JARID2: variants seen among roughly 807,000 people sequenced by gnomAD.
JARID2 encodes jumonji and AT-rich interaction domain containing 2, also known as protein Jumonji.
Under a neutral mutation model 125.6 loss-of-function variants are expected in JARID2, and 21 were observed. That is an observed-to-expected ratio of 0.17 (90% CI 0.12 to 0.24). JARID2 has a LOEUF of 0.24. JARID2 is among the 10% of genes least tolerant of loss of function. The probability of loss-of-function intolerance (pLI) is 1.00; values close to 1 mark genes in which losing one functional copy is unlikely to be tolerated. For missense variants in JARID2, 1,303 were observed against 1,639.6 expected (o/e 0.79, Z 3.55); for synonymous variants, 736 against 661.6 (o/e 1.11, Z -1.73).
chr6:15,369,164 A>G (rs761225946), intron 1 of JARID2: 21 of 265,168 alleles, frequency 7.9e-5, no homozygotes, highest in Non-Finnish European at 1.4e-4. Flanking sequence ...AACTTGGAAC[A>G]GTGAGTGGTT....
chr6:15,375,793 G>A (rs926424454), intron 2 of JARID2, among the ~76,000 whole-genome samples: 2 of 152,202 alleles, frequency 1.3e-5, no homozygotes, highest in African/African-American at 4.8e-5. Context: ...AGCAGTGACT[G>A]CTGTACTGTT....
intron 3 of JARID2, among the ~76,000 whole-genome samples, chr6:15,412,674 C>T (rs1263333342): frequency 6.6e-6 from 1 of 152,172 alleles, no homozygotes. Context: ...CTTAAGAACT[C>T]CTTTGTTTTG....
intron 1 of JARID2, among the ~76,000 whole-genome samples, chr6:15,372,050 C>T (rs1268239476): frequency 6.6e-6 from 1 of 152,128 alleles, no homozygotes; most frequent in Non-Finnish European, 1.5e-5. Context: ...TGAAGCTTAA[C>T]GAAAGTGCAG....
At chr6:15,248,875 G>C in intron 1 of JARID2, 2 of 983,158 alleles carry the variant, frequency 2.0e-6, no homozygotes, top group Non-Finnish European at 2.4e-6. Flanking sequence ...GGGGGCTGCC[G>C]CAGAGCCGGG....
intron 1 of JARID2, among the ~76,000 whole-genome samples, chr6:15,275,457 G>C (rs1459299725): frequency 1.4e-5 from 2 of 143,322 alleles, no homozygotes; most frequent in African/African-American, 2.6e-5. Flanking sequence ...CTGACTAGGT[G>C]TTCAAGTCAG....
intron 2 of JARID2, among the ~76,000 whole-genome samples, chr6:15,393,161 C>G (rs537521924): frequency 6.6e-6 from 1 of 152,232 alleles, no homozygotes; most frequent in South Asian, 2.1e-4. Context: ...GGTATTCTTT[C>G]AGCTATCCTC....
chr6:15,379,544 T>C (rs377197008), intron 2 of JARID2, among the ~76,000 whole-genome samples: 1 of 152,298 alleles, frequency 6.6e-6, no homozygotes, highest in Admixed American at 6.5e-5. Flanking sequence ...TTGAATTTCA[T>C]TTGCTTCCTA....
chr6:15,412,583 G>A (rs1317496249), intron 3 of JARID2, among the ~76,000 whole-genome samples: 1 of 152,174 alleles, frequency 6.6e-6, no homozygotes, highest in African/African-American at 2.4e-5. Flanking sequence ...GGTTATAGGC[G>A]TGAGTCACCA....
intron 1 of JARID2, among the ~76,000 whole-genome samples, chr6:15,282,794 T>A (rs2127379284): frequency 6.6e-6 from 1 of 151,764 alleles, no homozygotes; most frequent in African/African-American, 2.4e-5. Flanking sequence ...AGAGACAGGG[T>A]TTCTCCATGT....
chr6:15,283,145 A>ATT (rs1183995474), intron 1 of JARID2, among the ~76,000 whole-genome samples: 50 of 149,014 alleles, frequency 3.4e-4, no homozygotes, highest in Non-Finnish European at 5.8e-4. Context: ...CGCCCGGCTA[A>ATT]TTTTTTGTAT....
chr6:15,330,262 T>A (rs1762663738), intron 1 of JARID2, among the ~76,000 whole-genome samples: 1 of 152,244 alleles, frequency 6.6e-6, no homozygotes, highest in African/African-American at 2.4e-5. Context: ...CGTGCTTGTT[T>A]TAATTATTTT....
rs755605964 is a variant in JARID2 at position 15,508,337 on chromosome 6, T to C, written c.2732-3T>C. On this transcript the variant is annotated splice_region_variant and splice_polypyrimidine_tract_variant and intron_variant, in intron 11 of 17. Coordinates refer to ENST00000341776, the MANE Select transcript of JARID2 (RefSeq NM_004973.4). ...AATGCCCTTTTCACTCTTTCTGTTT[T>C]AGGAGTGACTATTCCCTGGCTAAAT... The C allele has an allele frequency of 1.3e-6, 2 of 1,500,586 alleles. No homozygotes were observed. The highest frequency in any genetic ancestry group is 2.3e-5 in the East Asian group (1 of 44,370). The allele number at this position is 1,500,586 out of a possible 1,614,324, so 93.0% of individuals were successfully genotyped here. A position where few individuals can be genotyped will look rare whatever the true frequency, so the allele number is the denominator to read the frequency against.
chr6:15,359,358 TC>T (rs1264700306), intron 1 of JARID2, among the ~76,000 whole-genome samples: 1 of 152,202 alleles, frequency 6.6e-6, no homozygotes, highest in Non-Finnish European at 1.5e-5. Flanking sequence ...TGATGTGGCA[TC>T]CAGAGGTTGC....
At chr6:15,263,266 G>A (rs187350561) in intron 1 of JARID2, among the ~76,000 whole-genome samples, 1 of 152,214 alleles carries the variant, frequency 6.6e-6, no homozygotes, top group East Asian at 1.9e-4. Context: ...TGGCTTGATG[G>A]TGGGACTTCA....
At chr6:15,418,216 CTT>C (rs56801667) in intron 3 of JARID2, among the ~76,000 whole-genome samples, 43,236 of 117,642 alleles carry the variant, frequency 0.37, 6,648 homozygotes, top group South Asian at 0.45. Flanking sequence ...CTATATTCCT[CTT>C]TTTTTTTTTT....
At chr6:15,435,467 G>T (rs980172778) in intron 3 of JARID2, among the ~76,000 whole-genome samples, 1 of 152,212 alleles carries the variant, frequency 6.6e-6, no homozygotes, top group Non-Finnish European at 1.5e-5. Flanking sequence ...CTTGGAGGGT[G>T]GTAGGATGCC....
At chr6:15,472,749 C>T (rs1581613458) in intron 5 of JARID2, among the ~76,000 whole-genome samples, 1 of 152,274 alleles carries the variant, frequency 6.6e-6, no homozygotes, top group African/African-American at 2.4e-5. Context: ...TTCTGTTGTC[C>T]AGAGTCACCA....
chr6:15,354,967 G>A (rs1390876023), intron 1 of JARID2, among the ~76,000 whole-genome samples: 1 of 152,188 alleles, frequency 6.6e-6, no homozygotes, highest in Non-Finnish European at 1.5e-5. Flanking sequence ...TGATTAGGCT[G>A]CGGATTGCTG....
intron 1 of JARID2, among the ~76,000 whole-genome samples, chr6:15,325,192 C>G (rs901997941): frequency 3.9e-5 from 6 of 151,902 alleles, no homozygotes; most frequent in Non-Finnish European, 8.8e-5. Flanking sequence ...GTACCTTGTA[C>G]CTGAGGGAAT....
Sources: allele counts gnomAD v4.1 joint callset (sites outside exome capture counted in the v4.1 genomes callset), GRCh38; gene constraint gnomAD v4.1.1; transcripts MANE v1.5; gene names NCBI Gene and HGNC (gene_info 2026-07-23, HGNC 2026-07-21).